SERINC5: variants seen among roughly 807,000 people sequenced by gnomAD.
The protein encoded by SERINC5 is chromosome 5 open reading frame 12.
In SERINC5, 41 loss-of-function variants were observed where a neutral mutation model predicts 63.1. That is an observed-to-expected ratio of 0.65 (90% CI 0.51 to 0.84). The LOEUF (loss-of-function observed/expected upper bound fraction) is 0.84. Ranked by LOEUF, SERINC5 falls within the 40% of genes least tolerant of loss-of-function variation. The pLI is 0.00. For missense variants in SERINC5, 523 were observed against 573.0 expected, an observed-to-expected ratio of 0.91 and a Z score of 0.89; for synonymous variants, 222 against 215.2, an observed-to-expected ratio of 1.03 and a Z score of -0.28.
chr5:80,175,041 C>T lies in SERINC5; in HGVS notation c.464G>A (p.Arg155His), dbSNP rs1211821943. 3.1e-6 allele frequency: 5 copies of T among 1,587,870 alleles called. No homozygotes were observed. The highest frequency in any genetic ancestry group is 2.3e-5 in the East Asian group (1 of 43,760). The change falls in exon 5 of 12, where the codon CGC becomes CAC. Residue 155 changes from arginine (R) to histidine (H), a missense_variant. By Grantham distance (29) the Arg-to-His change is conservative (BLOSUM62 0). Coordinates refer to ENST00000507668, the MANE Select transcript of SERINC5 (RefSeq NM_001174072.3). ...PDQDTFLNAW[R>H]YVGAVGGFLF... ...GAAGCCTCCGACGGCTCCCACATAGCGCCAGGCTGCAAAAGACCATGAAGA... is the reference window on the plus strand; with the variant it reads ...GAAGCCTCCGACGGCTCCCACATAGTGCCAGGCTGCAAAAGACCATGAAGA...
At chr5:80,239,180 C>A (rs1167158906) in intron 1 of SERINC5, among the ~76,000 whole-genome samples, 1 of 152,168 alleles carries the variant, frequency 6.6e-6, no homozygotes, top group Non-Finnish European at 1.5e-5. Context: ...ATGGACAGCC[C>A]ATAAGCCATC....
intron 2 of SERINC5, among the ~76,000 whole-genome samples, chr5:80,197,223 C>G (rs1036430964): frequency 6.6e-6 from 1 of 151,880 alleles, no homozygotes; most frequent in Non-Finnish European, 1.5e-5. Flanking sequence ...GTGGCAGGCA[C>G]CTGTAATCCC....
intron 1 of SERINC5, among the ~76,000 whole-genome samples, chr5:80,254,694 T>C (rs1185021062): frequency 6.6e-6 from 1 of 152,192 alleles, no homozygotes; most frequent in Non-Finnish European, 1.5e-5. Context: ...TCTCATTCTC[T>C]TTCTCTCTCT....
At chr5:80,223,569 T>C (rs1321714991) in intron 1 of SERINC5, among the ~76,000 whole-genome samples, 7 of 152,194 alleles carry the variant, frequency 4.6e-5, no homozygotes, top group Admixed American at 6.6e-5. Flanking sequence ...AACTTTCTCA[T>C]GGTATACAGT....
chr5:80,112,529 C>T lies in SERINC5; in HGVS notation c.*30-827G>A, dbSNP rs114222493. ...TGGTGCAGGTCCTCCGTATGCTGAG[C>T]GCCAGTCTGCTGGGCCCACTGTTCT... On this transcript the variant is annotated intron_variant, in intron 12 of 12. Transcript: ENST00000509193. Among the ~76,000 whole-genome samples the T allele has an allele frequency of 9.7e-3, 1,482 of 152,178 alleles. 19 individuals carry two copies. The highest frequency in any genetic ancestry group is 0.034 in the African/African-American group (1,397 of 41,502).
At position 80,158,929 on chromosome 5, in the gene SERINC5, C is replaced by T; in HGVS notation, c.893G>A (p.Cys298Tyr). The change falls in exon 8 of 12, where the codon TGT becomes TAT. Residue 298 changes from cysteine to tyrosine, a missense_variant. Cys to Tyr is a radical substitution (Grantham distance 194). Coordinates refer to ENST00000507668, the MANE Select transcript of SERINC5 (RefSeq NM_001174072.3). ...LDEHGKNVTICVPDFGQDLYR... is the reference protein window; with the variant it reads ...LDEHGKNVTIYVPDFGQDLYR... ...CAGGTCTTGACCAAAGTCAGGCACACAGATTGTAACATTTTTCCCATGTTC... is the reference window on the plus strand; with the variant it reads ...CAGGTCTTGACCAAAGTCAGGCACATAGATTGTAACATTTTTCCCATGTTC... The T allele has an allele frequency of 6.2e-7, 1 of 1,613,750 alleles. No individual in the cohort carries two copies. The highest frequency in any genetic ancestry group is 8.5e-7 in the Non-Finnish European group (1 of 1,179,784).
chr5:80,242,736 T>A (rs1351230378), intron 1 of SERINC5, among the ~76,000 whole-genome samples: 1 of 151,124 alleles, frequency 6.6e-6, no homozygotes, highest in Non-Finnish European at 1.5e-5. Flanking sequence ...GGTGACAGAG[T>A]GAGACTCCAT....
intron 5 of SERINC5, among the ~76,000 whole-genome samples, chr5:80,174,488 T>A (rs115814266): frequency 0.02 from 3,042 of 151,972 alleles, 110 homozygotes; most frequent in African/African-American, 0.07. Context: ...GTTTTTAGGA[T>A]CATCTCCTTC....
At position 80,158,739 on chromosome 5, in the gene SERINC5, A is replaced by G. The variant is rs1333930191; in HGVS notation, c.986+97T>C. The G allele has an allele frequency of 7.3e-6, 9 of 1,225,886 alleles. No individual in the cohort carries two copies. In the South Asian group the frequency reaches 8.5e-5, roughly 12 times the overall value. 75.9% of individuals were successfully genotyped at this position (1,225,886 alleles called of 1,614,324 possible). On this transcript the variant is annotated intron_variant, in intron 8 of 11. Transcript: ENST00000507668. ...TTGTGGTTATTTTCCCCCCTCCTCA[A>G]ATGGTTGCAGCCTCACAGCTACTGA...
intron 1 of SERINC5, among the ~76,000 whole-genome samples, chr5:80,254,088 G>A (rs1415597438): frequency 2.6e-5 from 4 of 152,146 alleles, no homozygotes; most frequent in Non-Finnish European, 5.9e-5. Context: ...ATCACACCCG[G>A]CAATTTTGTG....
chr5:80,215,440 T>C (rs56387826), intron 1 of SERINC5, among the ~76,000 whole-genome samples: 28,138 of 152,076 alleles, frequency 0.19, 3,206 homozygotes, highest in African/African-American at 0.32. Flanking sequence ...ATAAATTACC[T>C]AGTCTCAGGT....
chr5:80,182,549 C>CA (rs1748513446), intron 2 of SERINC5, among the ~76,000 whole-genome samples: 1 of 141,458 alleles, frequency 7.1e-6, no homozygotes, highest in Non-Finnish European at 1.5e-5. Context: ...TGACCGCCCC[C>CA]CCCCCCTCCG....
intron 8 of SERINC5, among the ~76,000 whole-genome samples, chr5:80,151,164 AT>A (rs1451904883): frequency 1.3e-5 from 2 of 152,228 alleles, no homozygotes; most frequent in Non-Finnish European, 2.9e-5. Flanking sequence ...ATTGCATTAG[AT>A]CATTTTATGC....
chr5:80,207,889 A>C (rs1001990995), intron 1 of SERINC5, among the ~76,000 whole-genome samples: 2 of 152,234 alleles, frequency 1.3e-5, no homozygotes, highest in African/African-American at 4.8e-5. Flanking sequence ...TTATGTTAGC[A>C]TCTAGGGAAA....
chr5:80,160,194 C>T lies in SERINC5; in HGVS notation c.860-1232G>A, dbSNP rs565055052. Reference sequence around the variant, plus strand: ...GATTGGAGGACACCCAACTGATGTCCACTGCCTGCTTGCTGGTGGGGAGAA... The same window carrying T: ...GATTGGAGGACACCCAACTGATGTCTACTGCCTGCTTGCTGGTGGGGAGAA... On this transcript the variant is annotated intron_variant, in intron 7 of 11. Transcript: ENST00000507668. 4.6e-5 allele frequency among the ~76,000 whole-genome samples: 7 copies of T among 152,292 alleles called. No individual in the cohort carries two copies. The East Asian group carries it at 1.4e-3, about 29-fold the overall frequency.
chr5:80,165,873 T>C (rs1747262036), intron 7 of SERINC5, among the ~76,000 whole-genome samples: 1 of 152,230 alleles, frequency 6.6e-6, no homozygotes, highest in South Asian at 2.1e-4. Flanking sequence ...TTCCTTTACA[T>C]AGCTCAAGTT....
intron 2 of SERINC5, among the ~76,000 whole-genome samples, chr5:80,182,837 T>C (rs1244710322): frequency 2.0e-5 from 3 of 152,132 alleles, no homozygotes; most frequent in Non-Finnish European, 4.4e-5. Context: ...TGAACCACCA[T>C]GCCCAGCCTA....
intron 1 of SERINC5, among the ~76,000 whole-genome samples, chr5:80,214,099 C>T (rs1750555618): frequency 1.3e-5 from 2 of 152,166 alleles, no homozygotes; most frequent in Non-Finnish European, 1.5e-5. Flanking sequence ...GAATATAATA[C>T]ACCCACTGAA....
At position 80,140,299 on chromosome 5, in the gene SERINC5, C is replaced by G. The variant is rs1226620547; in HGVS notation, c.*3364G>C. The G allele has an allele frequency of 6.7e-6, 6 of 892,618 alleles. No individual in the cohort carries two copies. The highest frequency in any genetic ancestry group is 6.4e-6 in the Non-Finnish European group (5 of 783,330). 55.3% of individuals were successfully genotyped at this position (892,618 alleles called of 1,614,324 possible). On this transcript the variant is annotated 3_prime_UTR_variant, in exon 12 of 12. Transcript: ENST00000507668. ...TCCAGCGTGGCTGACAGAGTGAGCC[C>G]GTCTCCAAAAAAAAAAAAAAAAAAA...
Sources: allele counts gnomAD v4.1 joint callset (sites outside exome capture counted in the v4.1 genomes callset), GRCh38; gene constraint gnomAD v4.1.1; transcripts MANE v1.5; gene names NCBI Gene and HGNC (gene_info 2026-07-23, HGNC 2026-07-21).